The following TANC1 variants were observed in gnomAD, a reference collection of about 807,000 sequenced individuals.
TANC1 encodes the protein protein TANC1.
A neutral mutation model predicts 149.7 loss-of-function variants in TANC1; 77 were observed. The observed-to-expected ratio is 0.51, with a 90% CI of 0.43 to 0.62. The LOEUF (loss-of-function observed/expected upper bound fraction) is 0.62. TANC1 is among the 20% of genes least tolerant of loss of function. TANC1 has a pLI of 0.00. For synonymous variants in TANC1, 854 were observed against 925.0 expected (o/e 0.92, Z 1.39); for missense variants, 1,985 against 2,321.8 (o/e 0.85, Z 2.98).
At chr2:159,096,382 C>T (rs2046140525) in intron 3 of TANC1, among the ~76,000 whole-genome samples, 1 of 149,984 alleles carries the variant, frequency 6.7e-6, no homozygotes, top group Non-Finnish European at 1.5e-5. Context: ...ATCCTTTCTG[C>T]TTCTTAAGGT....
chr2:159,112,126 GCAGA>G (rs1172207901), intron 4 of TANC1, among the ~76,000 whole-genome samples: 2 of 152,004 alleles, frequency 1.3e-5, no homozygotes, highest in East Asian at 3.8e-4. Flanking sequence ...TGCTATTAGA[GCAGA>G]TATGTGCACT....
At chr2:159,212,915 G>A (rs998794511) in intron 19 of TANC1, among the ~76,000 whole-genome samples, 30 of 62,636 alleles carry the variant, frequency 4.8e-4, no homozygotes, top group African/African-American at 1.4e-3. Flanking sequence ...GCGAGACACC[G>A]TCTCAAAAAA....
intron 2 of TANC1, among the ~76,000 whole-genome samples, chr2:159,035,814 A>G (rs1276882630): frequency 6.6e-6 from 1 of 152,196 alleles, no homozygotes; most frequent in East Asian, 1.9e-4. Flanking sequence ...TTAAACTCAG[A>G]AAGGACTTTT....
intron 3 of TANC1, among the ~76,000 whole-genome samples, chr2:159,081,071 G>A (rs983136735): frequency 2.6e-5 from 4 of 152,316 alleles, no homozygotes; most frequent in African/African-American, 9.6e-5. Context: ...GCCAGCTGTC[G>A]AGCCAGCAGC....
In TANC1 at chr2:159,224,225, T is replaced by C. The variant is rs2150966137; in HGVS notation, c.3679-7T>C. The stretch of plus-strand genomic sequence containing the variant: ...AGCTGCTGCTTAGGCTTCTGCTGTC[T>C]CTGCAGGTGCTGTACCTGGTGGAGA... On this transcript the variant is annotated splice_region_variant and splice_polypyrimidine_tract_variant and intron_variant, in intron 22 of 26. Coordinates refer to ENST00000263635, the MANE Select transcript of TANC1 (RefSeq NM_033394.3). 6.2e-7 allele frequency: 1 copy of C among 1,614,094 alleles called. No homozygotes were observed. The highest frequency in any genetic ancestry group is 1.3e-5 in the African/African-American group (1 of 75,062).
rs2151002206 is a variant in TANC1, at chr2:159,229,574, A to G, written c.4152-4A>G. ...GTAATGTTACCTTACATTTTCCTAC[A>G]AAGGCAATTCGTGGCAGCTCTGGCT... On this transcript the variant is annotated splice_polypyrimidine_tract_variant and splice_region_variant and intron_variant, in intron 26 of 26. Transcript: ENST00000263635. The G allele has an allele frequency of 6.2e-7, 1 of 1,609,252 alleles. No individual in the cohort carries two copies. Among genetic ancestry groups the G allele is most frequent in the East Asian group, 2.2e-5 (1 of 44,852 alleles).
chr2:159,079,368 G>C (rs1030178484), intron 3 of TANC1, among the ~76,000 whole-genome samples: 19 of 23,264 alleles, frequency 8.2e-4, no homozygotes, highest in African/African-American at 4.9e-3. Flanking sequence ...TTTTTTTTTT[G>C]AGTGTTTGCT....
intron 18 of TANC1, among the ~76,000 whole-genome samples, chr2:159,198,425 C>T (rs1233827394): frequency 2.0e-5 from 3 of 152,166 alleles, no homozygotes; most frequent in Non-Finnish European, 2.9e-5. Flanking sequence ...AACGCCGGCT[C>T]AGGTCCAGGG....
intron 2 of TANC1, among the ~76,000 whole-genome samples, chr2:159,041,867 C>T (rs1226895800): frequency 6.6e-6 from 1 of 152,196 alleles, no homozygotes; most frequent in South Asian, 2.1e-4. Context: ...TCTTCTGTGT[C>T]AGTCACGCTG....
At chr2:159,040,610 C>T (rs1219250816) in intron 2 of TANC1, among the ~76,000 whole-genome samples, 1 of 152,190 alleles carries the variant, frequency 6.6e-6, no homozygotes, top group Non-Finnish European at 1.5e-5. Flanking sequence ...TCAGCTCCAT[C>T]AGGTCATTTA....
chr2:159,011,379 C>A (rs2037741648), intron 2 of TANC1, among the ~76,000 whole-genome samples: 1 of 152,114 alleles, frequency 6.6e-6, no homozygotes, highest in South Asian at 2.1e-4. Context: ...CAAATCTACT[C>A]CTCAAAGAGG....
intron 16 of TANC1, 122 bp downstream of exon 16, chr2:159,187,146 A>C: frequency 1.7e-6 from 2 of 1,167,944 alleles, no homozygotes; most frequent in Non-Finnish European, 2.4e-6. Context: ...GAGCTTCTAA[A>C]GATGTGCTTC....
rs2046905791 is a variant in TANC1 at position 159,103,222 on chromosome 2, T to C, written c.259+5388T>C. On this transcript the variant is annotated intron_variant, in intron 4 of 26. Coordinates refer to ENST00000263635, the MANE Select transcript of TANC1 (RefSeq NM_033394.3). ...ACAGGAATACTTTTGTCCAGTGATA[T>C]TTACAAACATCTCTGATATCTCCTT... Among the ~76,000 whole-genome samples the C allele has an allele frequency of 3.1e-5, 3 of 95,636 alleles. 1 individual carries two copies. In the Admixed American group the frequency reaches 3.4e-4, roughly 11 times the overall value. The allele number at this position is 95,636 out of a possible 152,430, so 62.7% of individuals were successfully genotyped here. A position where few individuals can be genotyped will look rare whatever the true frequency, so the allele number is the denominator to read the frequency against.
chr2:159,155,178 G>A (rs547831873), intron 7 of TANC1, among the ~76,000 whole-genome samples: 1 of 152,208 alleles, frequency 6.6e-6, no homozygotes, highest in African/African-American at 2.4e-5. Context: ...AATTTTAAGT[G>A]TGTATATTAG....
chr2:159,094,772 TGTG>T (rs374681590), intron 3 of TANC1, among the ~76,000 whole-genome samples: 3 of 66,868 alleles, frequency 4.5e-5, no homozygotes, highest in African/African-American at 2.1e-4. Flanking sequence ...CTTGTGTGTG[TGTG>T]GGGGGGGGGT....
chr2:158,996,442 C>T (rs1370808786), intron 1 of TANC1, among the ~76,000 whole-genome samples: 1 of 152,194 alleles, frequency 6.6e-6, no homozygotes, highest in East Asian at 1.9e-4. Flanking sequence ...ATACTTTTTG[C>T]TGTATAACTT....
chr2:159,219,652 C>T, intron 21 of TANC1, 40 bp from the exon 22 acceptor site: 1 of 1,612,404 alleles, frequency 6.2e-7, no homozygotes, highest in Non-Finnish European at 8.5e-7. Context: ...GCTTTGTCAT[C>T]TCATAATGTT....
intron 2 of TANC1, among the ~76,000 whole-genome samples, chr2:159,044,881 A>G (rs1201505469): frequency 6.6e-6 from 1 of 152,162 alleles, no homozygotes; most frequent in Non-Finnish European, 1.5e-5. Context: ...GCAGGATTTC[A>G]TTTTCTGCAT....
At chr2:159,034,984 C>T (rs79834326) in intron 2 of TANC1, among the ~76,000 whole-genome samples, 14,538 of 152,150 alleles carry the variant, frequency 0.096, 738 homozygotes, top group Non-Finnish European at 0.11. Flanking sequence ...GGATTTGGAC[C>T]GTCACATGGA....
Sources: gnomAD v4.1 joint callset for allele counts (sites outside exome capture counted in the v4.1 genomes callset) on GRCh38, gnomAD v4.1.1 for gene constraint, MANE v1.5 for transcripts, NCBI Gene and HGNC (gene_info 2026-07-23, HGNC 2026-07-21) for gene names.